DEPDC4: variants seen among roughly 807,000 people sequenced by gnomAD.
The protein encoded by DEPDC4 is DEP domain-containing protein 4.
In DEPDC4, 52 loss-of-function variants were observed where a neutral mutation model predicts 52.0. That is an observed-to-expected ratio of 1.00 (90% CI 0.80 to 1.26). The LOEUF (loss-of-function observed/expected upper bound fraction) is 1.26. DEPDC4 is among the 50% of genes most tolerant of loss of function. DEPDC4 has a pLI of 0.00. For synonymous variants in DEPDC4, 201 were observed against 196.8 expected (o/e 1.02, Z -0.18); for missense variants, 530 against 546.9 (o/e 0.97, Z 0.31).
Position 100,262,280 on chromosome 12 carries a change from G to A in DEPDC4, c.684C>T (p.Leu228=), listed in dbSNP as rs377749252. 5.3e-5 allele frequency: 85 copies of A among 1,603,122 alleles called. No homozygotes were observed. Among genetic ancestry groups the A allele is most frequent in the Non-Finnish European group, 3.1e-5 (37 of 1,177,526 alleles). ...ACAAATTACCTTCTTTTGAAAGCCG[G>A]AGAAAAGGTTTCTGAACTGTGATAT... ...CPNITVQKPF[L]RLSKEDVWKE... The change falls in exon 3 of 10, where the codon CTC becomes CTT. Residue 228 remains leucine (L), a synonymous_variant. Coordinates refer to ENST00000550587, the MANE Select transcript of DEPDC4 (RefSeq NM_001364818.2).
rs764249674 is a variant in DEPDC4 at position 100,256,074 on chromosome 12, G to A, written c.853C>T (p.Leu285Phe). ...VITNTCLDRELIPSLCLPEID... is the reference protein window; with the variant it reads ...VITNTCLDREFIPSLCLPEID... The stretch of plus-strand genomic sequence containing the variant: ...TCAGGTAGACATAAGCTTGGAATAA[G>A]TTCTCTGTCTAGGCAAGTGTTAGTG... Residue 285 changes from leucine to phenylalanine, a missense_variant, in exon 4 of 10, where the codon CTT becomes TTT. Coordinates refer to ENST00000550587, the MANE Select transcript of DEPDC4 (RefSeq NM_001364818.2). The A allele has an allele frequency of 1.9e-6, 3 of 1,608,644 alleles. No individual in the cohort carries two copies. Among genetic ancestry groups the A allele is most frequent in the Non-Finnish European group, 2.5e-6 (3 of 1,177,588 alleles).
the DEPDC4 span, among the ~76,000 whole-genome samples, chr12:100,277,418 T>A: frequency 6.6e-6 from 1 of 152,244 alleles, no homozygotes; most frequent in African/African-American, 2.4e-5. Context: ...CACTTTTTGC[T>A]GCATTTATTT....
At chr12:100,249,050 A>T (rs1017154447) in intron 7 of DEPDC4, 72 bp from the exon 8 acceptor site, 2 of 583,462 alleles carry the variant, frequency 3.4e-6, no homozygotes, top group Non-Finnish European at 4.3e-6. Context: ...ATAGAAAGAA[A>T]AACATCTCAA....
At chr12:100,276,695 CT>C in the DEPDC4 span, among the ~76,000 whole-genome samples, 1 of 151,286 alleles carries the variant, frequency 6.6e-6, no homozygotes, top group Non-Finnish European at 1.5e-5. Context: ...CTTTTCAAAA[CT>C]TTTTTTTTAC....
Position 100,250,642 on chromosome 12 carries a change from G to A in DEPDC4, c.1374+1534C>T, listed in dbSNP as rs116849489. Among the ~76,000 whole-genome samples the A allele has an allele frequency of 2.3e-3, 347 of 152,278 alleles. 7 individuals are homozygous for A. The East Asian group carries it at 0.04, about 17-fold the overall frequency. ...GGAAAGAGGCAGATTCATTTATGTA[G>A]AGGAGGGGGTAGAGTGAGAAAGAGG... is the stretch of plus-strand genomic sequence containing the variant. On this transcript the variant is annotated intron_variant, in intron 7 of 9. Coordinates refer to ENST00000550587, the MANE Select transcript of DEPDC4 (RefSeq NM_001364818.2).
At chr12:100,262,635 G>C (rs559282253) in intron 2 of DEPDC4, among the ~76,000 whole-genome samples, 4 of 152,232 alleles carry the variant, frequency 2.6e-5, no homozygotes, top group African/African-American at 9.6e-5. Context: ...TAATTCTAAG[G>C]TTAACATAGT....
At chr12:100,244,752 G>A (rs919818541) in intron 8 of DEPDC4, among the ~76,000 whole-genome samples, 5 of 148,286 alleles carry the variant, frequency 3.4e-5, no homozygotes, top group African/African-American at 1.2e-4. Context: ...GTGAGCCGCT[G>A]CACCCAACCC....
intron 1 of DEPDC4, 111 bp downstream of exon 1, chr12:100,266,792 CAGGAAGGGGGCGGGGCT>C: frequency 7.8e-7 from 1 of 1,278,786 alleles, no homozygotes; most frequent in Non-Finnish European, 1.1e-6. Context: ...CCTGGTAGGG[CAGGAAGGGGGCGGGGCT>C]AGGAAATGGG....
At chr12:100,244,087 CTCTCTG>C (rs1407796274) in intron 8 of DEPDC4, among the ~76,000 whole-genome samples, 108 of 29,338 alleles carry the variant, frequency 3.7e-3, no homozygotes, top group South Asian at 8.4e-3. Context: ...CTCTCTCTCT[CTCTCTG>C]TGTATATATA....
upstream of DEPDC4, among the ~76,000 whole-genome samples, chr12:100,268,549 G>C (rs1406724176): frequency 6.6e-6 from 1 of 152,120 alleles, no homozygotes; most frequent in Non-Finnish European, 1.5e-5. Context: ...TAAAGGAAGG[G>C]AACCTAATGG....
intron 7 of DEPDC4, among the ~76,000 whole-genome samples, 199 bp downstream of exon 7, chr12:100,251,977 A>C (rs764212852): frequency 1.1e-4 from 16 of 152,174 alleles, no homozygotes; most frequent in Non-Finnish European, 2.2e-4. Context: ...TGGGATTACA[A>C]GTATGAGCCA....
At chr12:100,264,426 C>A (rs2096264599) in intron 1 of DEPDC4, among the ~76,000 whole-genome samples, 2 of 152,142 alleles carry the variant, frequency 1.3e-5, no homozygotes, top group Non-Finnish European at 2.9e-5. Context: ...TACCTGTAAT[C>A]CCAGCATTTT....
At chr12:100,264,697 C>G (rs1000692366) in intron 1 of DEPDC4, among the ~76,000 whole-genome samples, 10 of 151,590 alleles carry the variant, frequency 6.6e-5, no homozygotes, top group Admixed American at 2.0e-4. Flanking sequence ...AAAAAGTTTG[C>G]TGAAAAATGA....
At chr12:100,275,947 A>G in the DEPDC4 span, among the ~76,000 whole-genome samples, 4 of 151,960 alleles carry the variant, frequency 2.6e-5, no homozygotes, top group African/African-American at 9.7e-5. Flanking sequence ...GCTTTTTTTC[A>G]TTATTCAGTT....
At chr12:100,264,003 T>A (rs926252715) in intron 1 of DEPDC4, 110 bp from the exon 2 acceptor site, 5 of 946,730 alleles carry the variant, frequency 5.3e-6, no homozygotes, top group Non-Finnish European at 6.2e-6. Context: ...GCTGGTAATG[T>A]CCTTCTTACG....
Position 100,241,712 on chromosome 12 carries a change from TA to T in DEPDC4, c.*179del. The T allele has an allele frequency of 7.9e-7, 1 of 1,262,070 alleles. No homozygotes were observed. The highest frequency in any genetic ancestry group is 1.0e-6 in the Non-Finnish European group (1 of 977,216). The allele number at this position is 1,262,070 out of a possible 1,614,324, so 78.2% of individuals were successfully genotyped here. On this transcript the variant is annotated 3_prime_UTR_variant, in exon 10 of 10. Coordinates refer to ENST00000550587, the MANE Select transcript of DEPDC4 (RefSeq NM_001364818.2). ...GATGGTGTTTTTGAAATTCCTTAAT[TA>T]ATTTCTTTTTTCGTTTCAGAGAGAT...
upstream of DEPDC4, among the ~76,000 whole-genome samples, chr12:100,270,803 C>T (rs2096286818): frequency 6.6e-6 from 1 of 151,812 alleles, no homozygotes; most frequent in Non-Finnish European, 1.5e-5. Context: ...TCTTATTGTA[C>T]AGTGGTCTTA....
intron 3 of DEPDC4, among the ~76,000 whole-genome samples, chr12:100,260,936 T>C (rs2096251491): frequency 6.6e-6 from 1 of 151,818 alleles, no homozygotes; most frequent in South Asian, 2.1e-4. Flanking sequence ...ATCCCAGCAC[T>C]TTGGGAGGCC....
At chr12:100,238,947 T>G (rs1175142780), downstream of DEPDC4, among the ~76,000 whole-genome samples, 2 of 152,258 alleles carry the variant, frequency 1.3e-5, no homozygotes, top group East Asian at 3.8e-4. Flanking sequence ...GAAAATTTGC[T>G]GACAGCCATG....
Sources: gnomAD v4.1 joint callset for allele counts (sites outside exome capture counted in the v4.1 genomes callset) on GRCh38, gnomAD v4.1.1 for gene constraint, MANE v1.5 for transcripts, NCBI Gene and HGNC (gene_info 2026-07-23, HGNC 2026-07-21) for gene names.